The following SEMA3A variants were observed in gnomAD, a reference collection of about 807,000 sequenced individuals.
SEMA3A encodes the protein semaphorin-3A.
In SEMA3A, 29 loss-of-function variants were observed where a neutral mutation model predicts 97.9. That is an observed-to-expected ratio of 0.30 (90% CI 0.22 to 0.40). SEMA3A has a LOEUF of 0.40. SEMA3A is among the 10% of genes least tolerant of loss of function. The probability of loss-of-function intolerance (pLI) is 1.00; values close to 1 mark genes in which losing one functional copy is unlikely to be tolerated. For missense variants in SEMA3A, 763 were observed against 951.3 expected, an observed-to-expected ratio of 0.80 and a Z score of 2.60; for synonymous variants, 321 against 323.7, an observed-to-expected ratio of 0.99 and a Z score of 0.09.
intron 1 of SEMA3A, among the ~76,000 whole-genome samples, chr7:84,407,917 G>A (rs900216023): frequency 1.3e-5 from 2 of 152,182 alleles, no homozygotes; most frequent in Admixed American, 6.5e-5. Flanking sequence ...AGACTTACAT[G>A]TTAGACCTAA....
intron 1 of SEMA3A, among the ~76,000 whole-genome samples, chr7:84,394,638 T>C (rs1803677840): frequency 6.6e-6 from 1 of 152,070 alleles, no homozygotes; most frequent in Non-Finnish European, 1.5e-5. Context: ...AAATAAATGT[T>C]TTAAAACTAA....
Position 84,259,779 on chromosome 7 carries a change from AAAAC to A in SEMA3A, c.-83+47424_-83+47427del, listed in dbSNP as rs376566129. 2.4e-4 allele frequency among the ~76,000 whole-genome samples: 37 copies of A among 151,766 alleles called. No individual in the cohort carries two copies. In the East Asian group the frequency reaches 5.3e-3, roughly 22 times the overall value. ...AGATCTAAGTGATTAGTGCAGTTAA[AAAAC>A]AAACAAACAAAACAAAAAACAACAC... On this transcript the variant is annotated intron_variant, in intron 3 of 3. Coordinates refer to the SEMA3A transcript ENST00000424555.
intron 1 of SEMA3A, among the ~76,000 whole-genome samples, chr7:84,486,011 A>T (rs1806566332): frequency 6.6e-6 from 1 of 152,198 alleles, no homozygotes; most frequent in Non-Finnish European, 1.5e-5. Flanking sequence ...TGGAAATTAG[A>T]CTCAGAAAAA....
At chr7:84,038,928 C>A (rs1260540648) in intron 6 of SEMA3A, among the ~76,000 whole-genome samples, 5 of 152,064 alleles carry the variant, frequency 3.3e-5, no homozygotes, top group African/African-American at 1.2e-4. Context: ...GAAGCTAAAA[C>A]TACTACTAGA....
At chr7:84,245,007 G>A (rs1007967946) in intron 3 of SEMA3A, among the ~76,000 whole-genome samples, 2 of 152,028 alleles carry the variant, frequency 1.3e-5, no homozygotes, top group South Asian at 2.1e-4. Flanking sequence ...TTTCTCTCTG[G>A]CTTCCCTTAC....
intron 4 of SEMA3A, among the ~76,000 whole-genome samples, chr7:84,079,209 GA>G (rs1464384554): frequency 6.6e-6 from 1 of 151,978 alleles, no homozygotes; most frequent in Non-Finnish European, 1.5e-5. Flanking sequence ...ATTCAAGATG[GA>G]TTAAAGACTT....
intron 4 of SEMA3A, among the ~76,000 whole-genome samples, chr7:84,109,926 A>AT (rs1795226767): frequency 6.6e-6 from 1 of 152,300 alleles, no homozygotes; most frequent in Non-Finnish European, 1.5e-5. Flanking sequence ...GAATAGACAG[A>AT]TTTTTTAAAA....
At chr7:84,016,950 T>C (rs1412152120) in intron 6 of SEMA3A, among the ~76,000 whole-genome samples, 1 of 152,178 alleles carries the variant, frequency 6.6e-6, no homozygotes, top group Non-Finnish European at 1.5e-5. Flanking sequence ...TACTATTACC[T>C]CCCAAATTAG....
At chr7:84,309,718 C>T (rs1355420499) in intron 2 of SEMA3A, among the ~76,000 whole-genome samples, 2 of 152,144 alleles carry the variant, frequency 1.3e-5, no homozygotes, top group Non-Finnish European at 1.5e-5. Context: ...ATGGTCAAGG[C>T]AGTCTTCTGT....
At chr7:84,375,939 A>G (rs1356937770) in intron 1 of SEMA3A, among the ~76,000 whole-genome samples, 2 of 152,170 alleles carry the variant, frequency 1.3e-5, no homozygotes, top group Admixed American at 1.3e-4. Flanking sequence ...TAAAACATGT[A>G]GTATTTACCT....
At chr7:84,452,533 A>T (rs1053629302) in intron 1 of SEMA3A, among the ~76,000 whole-genome samples, 41 of 152,232 alleles carry the variant, frequency 2.7e-4, no homozygotes, top group African/African-American at 8.2e-4. Flanking sequence ...TCGATAATAC[A>T]AATATGGTAT....
rs147056293 is a variant in SEMA3A, at chr7:84,089,357, C to T, written c.453+21113G>A. On this transcript the variant is annotated intron_variant, in intron 4 of 16. Transcript: ENST00000265362. ...TCCTATGCAAATGCAAATATGTCAA[C>T]AAGAGTAAGAATTTTCAACTACACA... 1.5e-3 allele frequency among the ~76,000 whole-genome samples: 222 copies of T among 152,090 alleles called. 1 individual carries two copies. The highest frequency in any genetic ancestry group is 0.01 in the Admixed American group (155 of 15,290).
Position 84,429,556 on chromosome 7 carries a change from A to C in SEMA3A, c.-245-57656T>G, listed in dbSNP as rs867429766. On this transcript the variant is annotated intron_variant, in intron 1 of 3. Transcript: ENST00000424555. Reference sequence around the variant, plus strand: ...TATATATATATATATATAGCGAGAGAGAGAGAGAGAGAGAGAGGTTAAAAT... The same window carrying C: ...TATATATATATATATATAGCGAGAGCGAGAGAGAGAGAGAGAGGTTAAAAT... 2.7e-3 allele frequency among the ~76,000 whole-genome samples: 298 copies of C among 112,066 alleles called. 1 individual carries two copies. The highest frequency in any genetic ancestry group is 6.2e-3 in the African/African-American group (203 of 32,660). The allele number at this position is 112,066 out of a possible 152,430, so 73.5% of individuals were successfully genotyped here. A position where few individuals can be genotyped will look rare whatever the true frequency, so the allele number is the denominator to read the frequency against.
At chr7:84,341,866 T>G (rs1436761225) in intron 2 of SEMA3A, among the ~76,000 whole-genome samples, 1 of 151,914 alleles carries the variant, frequency 6.6e-6, no homozygotes, top group Non-Finnish European at 1.5e-5. Flanking sequence ...CTTTTTTAAC[T>G]AAAATCTTCT....
intron 3 of SEMA3A, among the ~76,000 whole-genome samples, chr7:84,231,994 GTATGTGTGTGTGTGTGTA>G (rs1008699324): frequency 2.0e-5 from 3 of 151,436 alleles, no homozygotes; most frequent in African/African-American, 7.3e-5. Context: ...AAAGGTATGT[GTATGTGTGTGTGTGTGTA>G]TATGTAAATA....
At chr7:84,083,546 T>G (rs1335819259) in intron 4 of SEMA3A, among the ~76,000 whole-genome samples, 1 of 152,004 alleles carries the variant, frequency 6.6e-6, no homozygotes, top group South Asian at 2.1e-4. Flanking sequence ...TCACTAAATC[T>G]TCTTCCTTTT....
At chr7:84,096,906 T>C (rs1794790618) in intron 4 of SEMA3A, among the ~76,000 whole-genome samples, 1 of 152,156 alleles carries the variant, frequency 6.6e-6, no homozygotes, top group African/African-American at 2.4e-5. Context: ...TTTACATATG[T>C]CTAAGATACT....
intron 3 of SEMA3A, among the ~76,000 whole-genome samples, chr7:84,224,504 T>TA (rs1004821685): frequency 2.6e-5 from 4 of 151,702 alleles, no homozygotes; most frequent in African/African-American, 7.3e-5. Flanking sequence ...ATTTATGTTT[T>TA]AAAAAAAACA....
chr7:84,391,682 C>T (rs1803582765), intron 1 of SEMA3A, among the ~76,000 whole-genome samples: 1 of 151,886 alleles, frequency 6.6e-6, no homozygotes, highest in Non-Finnish European at 1.5e-5. Context: ...AAAAATTATC[C>T]ATTGACAGGC....
Sources: allele counts gnomAD v4.1 joint callset (sites outside exome capture counted in the v4.1 genomes callset), GRCh38; gene constraint gnomAD v4.1.1; transcripts MANE v1.5; gene names NCBI Gene and HGNC (gene_info 2026-07-23, HGNC 2026-07-21).